NAALADL2: variants seen among roughly 807,000 people sequenced by gnomAD.
NAALADL2 encodes the protein inactive N-acetylated-alpha-linked acidic dipeptidase-like protein 2.
NAALADL2 carries 76 observed loss-of-function variants against 87.2 expected under a neutral mutation model. That is an observed-to-expected ratio of 0.87 (90% CI 0.72 to 1.05). The LOEUF (loss-of-function observed/expected upper bound fraction) is 1.05. Ranked by LOEUF, NAALADL2 falls within the 50% of genes least tolerant of loss-of-function variation. NAALADL2 has a pLI of 0.00. For synonymous variants in NAALADL2, 354 were observed against 331.0 expected, an observed-to-expected ratio of 1.07 and a Z score of -0.75; for missense variants, 1,089 against 945.8, an observed-to-expected ratio of 1.15 and a Z score of -1.99.
rs187075453 is a variant in NAALADL2 at position 174,786,575 on chromosome 3, C to G, written c.-9+48829C>G. Among the ~76,000 whole-genome samples, 204 of 151,742 alleles carry G rather than the reference C, an allele frequency of 1.3e-3. 1 individual carries two copies. Among genetic ancestry groups the G allele is most frequent in the Middle Eastern group, 6.8e-3 (2 of 294 alleles). ...CTATATTTCTTTTCCAGACCCTCCACTTTTTGACAAGTAATACTGAGATTT... is the reference window on the plus strand; with the variant it reads ...CTATATTTCTTTTCCAGACCCTCCAGTTTTTGACAAGTAATACTGAGATTT... On this transcript the variant is annotated intron_variant, in intron 3 of 3. Transcript: ENST00000434257.
At chr3:175,175,326 T>C (rs1281383507) in intron 2 of NAALADL2, among the ~76,000 whole-genome samples, 4 of 152,042 alleles carry the variant, frequency 2.6e-5, no homozygotes, top group Non-Finnish European at 5.9e-5. Flanking sequence ...AATTCCAACA[T>C]AGCCTTAAGG....
At chr3:174,954,006 T>C (rs1740807057) in intron 1 of NAALADL2, among the ~76,000 whole-genome samples, 1 of 152,058 alleles carries the variant, frequency 6.6e-6, no homozygotes, top group Non-Finnish European at 1.5e-5. Context: ...AACTTCCAGG[T>C]ACATTTTAAT....
intron 1 of NAALADL2, among the ~76,000 whole-genome samples, chr3:175,014,450 C>G (rs561507558): frequency 1.3e-5 from 2 of 152,242 alleles, no homozygotes; most frequent in South Asian, 4.1e-4. Context: ...ACATTAGCCT[C>G]TTTTAGCTCA....
intron 11 of NAALADL2, among the ~76,000 whole-genome samples, chr3:175,635,369 A>T (rs144881187): frequency 6.6e-6 from 1 of 152,220 alleles, no homozygotes; most frequent in East Asian, 1.9e-4. Flanking sequence ...AGTGTTATTA[A>T]CACTTATTAA....
At chr3:174,765,009 A>C (rs760925762) in intron 3 of NAALADL2, among the ~76,000 whole-genome samples, 1 of 151,472 alleles carries the variant, frequency 6.6e-6, no homozygotes, top group African/African-American at 2.4e-5. Flanking sequence ...TTTTTTTTCT[A>C]TTTCTGTGAC....
Position 175,737,392 on chromosome 3 carries a change from C to A in NAALADL2, c.1983C>A (p.Asn661Lys), listed in dbSNP as rs749577685. Reference sequence around the variant, plus strand: ...ATATAGCTTTAGAAGTTCAAAACAACCTTAAAGGTAATTTTCCTTTGAATT... The same window carrying A: ...ATATAGCTTTAGAAGTTCAAAACAAACTTAAAGGTAATTTTCCTTTGAATT... ...ALDIALEVQN[N>K]LKGDQPNTHQ... The change falls in exon 12 of 14, where the codon AAC becomes AAA. Residue 661 changes from asparagine (N) to lysine (K), a missense_variant. By Grantham distance (94) the Asn-to-Lys change is moderately conservative. Transcript: ENST00000454872. 3.8e-6 allele frequency: 6 copies of A among 1,589,446 alleles called. No homozygotes were observed. Among genetic ancestry groups the A allele is most frequent in the East Asian group, 2.2e-5 (1 of 44,652 alleles).
At position 174,892,245 on chromosome 3, in the gene NAALADL2, C is replaced by T. The variant is rs528762076; in HGVS notation, c.43+32795C>T. Among the ~76,000 whole-genome samples the T allele has an allele frequency of 5.3e-5, 8 of 152,178 alleles. No homozygotes were observed. In the East Asian group the frequency reaches 1.4e-3, roughly 26 times the overall value. The stretch of plus-strand genomic sequence containing the variant: ...ACTAAATAAGGCACCAAGGACCAAT[C>T]CTGGAGAAACAGAGATATGTGACCT... On this transcript the variant is annotated intron_variant, in intron 1 of 13. Transcript: ENST00000454872.
At chr3:175,442,871 C>T (rs1478115681) in intron 5 of NAALADL2, among the ~76,000 whole-genome samples, 9 of 152,132 alleles carry the variant, frequency 5.9e-5, no homozygotes, top group Admixed American at 1.3e-4. Flanking sequence ...AATGTAGTGT[C>T]GCAGTCTTTT....
intron 5 of NAALADL2, among the ~76,000 whole-genome samples, chr3:175,395,544 AT>A (rs1769667745): frequency 6.6e-6 from 1 of 152,178 alleles, no homozygotes; most frequent in Admixed American, 6.5e-5. Context: ...TCCTTTAGGA[AT>A]TCCAAGATCC....
chr3:175,187,763 A>T (rs1367873539), intron 2 of NAALADL2, among the ~76,000 whole-genome samples: 1 of 152,170 alleles, frequency 6.6e-6, no homozygotes, highest in African/African-American at 2.4e-5. Context: ...CCACTCAGAA[A>T]GCATTGGCTG....
At chr3:175,533,691 G>A (rs2149449857) in intron 9 of NAALADL2, among the ~76,000 whole-genome samples, 1 of 152,238 alleles carries the variant, frequency 6.6e-6, no homozygotes, top group Admixed American at 6.5e-5. Context: ...TGAACACCTG[G>A]CGAGGCTGTG....
intron 4 of NAALADL2, among the ~76,000 whole-genome samples, chr3:175,289,397 G>T (rs1037319997): frequency 7.2e-5 from 11 of 152,004 alleles, no homozygotes; most frequent in African/African-American, 1.4e-4. Context: ...CCAGAAACTG[G>T]TATGCACTCA....
intron 2 of NAALADL2, among the ~76,000 whole-genome samples, chr3:174,607,494 A>C (rs1021092163): frequency 5.3e-5 from 8 of 149,916 alleles, no homozygotes; most frequent in African/African-American, 2.0e-4. Flanking sequence ...AATGGAAAAC[A>C]AAAAAAGGCA....
At chr3:174,636,970 A>G (rs1722713199) in intron 2 of NAALADL2, among the ~76,000 whole-genome samples, 2 of 152,320 alleles carry the variant, frequency 1.3e-5, no homozygotes, top group South Asian at 4.1e-4. Flanking sequence ...ATATATACAC[A>G]ATGGAATACT....
chr3:174,854,719 A>G (rs901664097), upstream of NAALADL2, among the ~76,000 whole-genome samples: 2 of 152,046 alleles, frequency 1.3e-5, no homozygotes, highest in Admixed American at 1.3e-4. Context: ...ATGACAAAAA[A>G]CTTTAAAAGA....
chr3:175,248,436 T>G (rs188228070), intron 3 of NAALADL2, among the ~76,000 whole-genome samples: 1 of 152,190 alleles, frequency 6.6e-6, no homozygotes. Context: ...CAAGTTTATG[T>G]ATCGATTTAT....
rs1337718907 is a variant in NAALADL2 at position 175,755,265 on chromosome 3, T to A, written c.2036T>A (p.Leu679Gln). ...CAACTGTTAGCCATGGCGTTACGCC[T>A]GCGGGAGAGTGCTGAACTTTTTCAG... Reference protein sequence around the residue: ...THQLLAMALRLRESAELFQSD... With the variant: ...THQLLAMALRQRESAELFQSD... Residue 679 changes from leucine (L) to glutamine (Q), a missense_variant, in exon 13 of 14, where the codon CTG (leucine) becomes CAG (glutamine). Coordinates refer to ENST00000454872, the MANE Select transcript of NAALADL2 (RefSeq NM_207015.3). 2 of 1,613,452 alleles carry A rather than the reference T, an allele frequency of 1.2e-6. No individual in the cohort carries two copies. The highest frequency in any genetic ancestry group is 2.7e-5 in the African/African-American group (2 of 74,892).
At chr3:175,077,212 G>T (rs1041345757) in intron 1 of NAALADL2, among the ~76,000 whole-genome samples, 1 of 152,150 alleles carries the variant, frequency 6.6e-6, no homozygotes, top group Non-Finnish European at 1.5e-5. Context: ...TAAAAAATGA[G>T]CATTTATTTC....
chr3:175,725,856 A>G (rs1742851049), intron 11 of NAALADL2, among the ~76,000 whole-genome samples: 1 of 152,214 alleles, frequency 6.6e-6, no homozygotes, highest in Non-Finnish European at 1.5e-5. Context: ...TGCCTGGCAT[A>G]TGGCAAGAGT....
Sources: gnomAD v4.1 joint callset for allele counts (sites outside exome capture counted in the v4.1 genomes callset) on GRCh38, gnomAD v4.1.1 for gene constraint, MANE v1.5 for transcripts, NCBI Gene and HGNC (gene_info 2026-07-23, HGNC 2026-07-21) for gene names.